EIF4E3: variants seen among roughly 807,000 people sequenced by gnomAD.
EIF4E3 encodes the protein eukaryotic translation initiation factor 4E type 3.
In EIF4E3, 26 loss-of-function variants were observed where a neutral mutation model predicts 31.7. The ratio of observed to expected loss-of-function variants is 0.82; its 90% CI spans 0.60 to 1.14. EIF4E3 has a LOEUF of 1.14. EIF4E3 is among the 50% of genes most tolerant of loss of function. The pLI is 0.00. For synonymous variants in EIF4E3, 128 were observed against 107.7 expected (o/e 1.19, Z -1.17); for missense variants, 304 against 270.9 (o/e 1.12, Z -0.86).
intron 4 of EIF4E3, among the ~76,000 whole-genome samples, chr3:71,695,577 G>A (rs2049124872): frequency 6.6e-6 from 1 of 152,098 alleles, no homozygotes; most frequent in Non-Finnish European, 1.5e-5. Flanking sequence ...CATTATGTAT[G>A]CCAAATAACA....
intron 1 of EIF4E3, among the ~76,000 whole-genome samples, chr3:71,746,371 G>A (rs1477591592): frequency 6.6e-6 from 1 of 152,132 alleles, no homozygotes; most frequent in African/African-American, 2.4e-5. Context: ...TAAAGCTATT[G>A]GTTAAATAAA....
At chr3:71,704,612 G>C (rs1001720465) in intron 2 of EIF4E3, among the ~76,000 whole-genome samples, 1 of 152,230 alleles carries the variant, frequency 6.6e-6, no homozygotes, top group African/African-American at 2.4e-5. Flanking sequence ...CTGGGGTCTG[G>C]ATGTGTGTGT....
Position 71,690,165 on chromosome 3 carries a change from T to C in EIF4E3, c.473A>G (p.Asp158Gly). The C allele has an allele frequency of 1.2e-6, 2 of 1,600,768 alleles. No homozygotes were observed. Among genetic ancestry groups the C allele is most frequent in the South Asian group, 2.3e-5 (2 of 88,142 alleles). The change falls in exon 6 of 7, where the codon GAT becomes GGT. Residue 158 changes from aspartate (D) to glycine (G), a missense_variant and splice_region_variant. Physicochemically the swap from Asp to Gly is moderately conservative, Grantham distance 94. Transcript: ENST00000425534. ...GACACTAACTCCTATTACTTCATCA[T>C]CTGAGGGGAAGACAGGAAAAAAAAA... The part of the protein sequence containing the change: ...GEQFTDCAAA[D>G]DEVIGVSVSV...
Position 71,675,666 on chromosome 3 carries a change from C to A in EIF4E3, c.*9016G>T, listed in dbSNP as rs905797361. On this transcript the variant is annotated 3_prime_UTR_variant, in exon 7 of 7. Coordinates refer to ENST00000425534, the MANE Select transcript of EIF4E3 (RefSeq NM_001134651.2). ...CTACTTGTGTGACCTTGAACGAATT[C>A]TTTATACTTTCTGGGTCATTTCTTC... 1 of 152,180 alleles carries A rather than the reference C, an allele frequency of 6.6e-6. No homozygotes were observed. Among genetic ancestry groups the A allele is most frequent in the African/African-American group, 2.4e-5 (1 of 41,442 alleles). 9.4% of individuals were successfully genotyped at this position (152,180 alleles called of 1,614,324 possible). A position where few individuals can be genotyped will look rare whatever the true frequency, so the allele number is the denominator to read the frequency against.
At chr3:71,723,862 A>T (rs1239824164) in intron 1 of EIF4E3, among the ~76,000 whole-genome samples, 1 of 151,966 alleles carries the variant, frequency 6.6e-6, no homozygotes, top group Non-Finnish European at 1.5e-5. Context: ...AACGAAACTC[A>T]CTCCATCTCC....
chr3:71,695,719 G>C (rs991364763), intron 4 of EIF4E3, among the ~76,000 whole-genome samples: 6 of 152,192 alleles, frequency 3.9e-5, no homozygotes, highest in African/African-American at 1.4e-4. Context: ...AGACATTTCA[G>C]TTCTTTGAGC....
chr3:71,688,632 C>T (rs2049022969), intron 6 of EIF4E3, among the ~76,000 whole-genome samples: 1 of 152,030 alleles, frequency 6.6e-6, no homozygotes, highest in South Asian at 2.1e-4. Flanking sequence ...TACATAAATG[C>T]CAATGAAATA....
chr3:71,708,084 G>A (rs2108071281), intron 2 of EIF4E3, among the ~76,000 whole-genome samples: 1 of 152,180 alleles, frequency 6.6e-6, no homozygotes, highest in Admixed American at 6.5e-5. Context: ...TTGTTGCTCA[G>A]GCTCATCTTG....
intron 2 of EIF4E3, among the ~76,000 whole-genome samples, chr3:71,702,289 T>C (rs923544259): frequency 1.3e-4 from 20 of 152,312 alleles, no homozygotes; most frequent in Admixed American, 5.9e-4. Flanking sequence ...GTAGAATTTA[T>C]GCACAAAATA....
intron 5 of EIF4E3, among the ~76,000 whole-genome samples, chr3:71,690,899 G>A (rs980688494): frequency 6.6e-6 from 1 of 152,154 alleles, no homozygotes; most frequent in Non-Finnish European, 1.5e-5. Flanking sequence ...TTCAATGAAT[G>A]AACGTTAAGG....
chr3:71,702,646 T>C (rs1354908429), intron 2 of EIF4E3, among the ~76,000 whole-genome samples: 2 of 151,394 alleles, frequency 1.3e-5, no homozygotes, highest in African/African-American at 4.9e-5. Context: ...AACATATTCA[T>C]TAAAGCACAT....
intron 2 of EIF4E3, among the ~76,000 whole-genome samples, chr3:71,700,422 C>G (rs1431711065): frequency 6.6e-6 from 1 of 151,898 alleles, no homozygotes; most frequent in African/African-American, 2.4e-5. Flanking sequence ...TAGACCCTGT[C>G]TTCAACATGG....
At chr3:71,664,578 A>G in the EIF4E3 span, among the ~76,000 whole-genome samples, 4 of 152,208 alleles carry the variant, frequency 2.6e-5, no homozygotes, top group African/African-American at 7.2e-5. Flanking sequence ...AGAGAGAGAG[A>G]GAGGCCCATT....
intron 2 of EIF4E3, among the ~76,000 whole-genome samples, chr3:71,709,540 C>T (rs763370574): frequency 6.6e-5 from 10 of 152,010 alleles, no homozygotes; most frequent in Admixed American, 2.0e-4. Context: ...CCACCATGCC[C>T]AGTTAATTTT....
chr3:71,663,562 T>C, the EIF4E3 span, among the ~76,000 whole-genome samples: 1 of 152,252 alleles, frequency 6.6e-6, no homozygotes, highest in East Asian at 1.9e-4. Context: ...GTGCCCAGCA[T>C]GCTCTCCCCA....
intron 1 of EIF4E3, among the ~76,000 whole-genome samples, chr3:71,743,835 G>A (rs904445505): frequency 7.2e-5 from 11 of 152,002 alleles, no homozygotes; most frequent in Admixed American, 7.2e-4. Context: ...TTTTGACAAA[G>A]GTGCAGTAAG....
intron 1 of EIF4E3, among the ~76,000 whole-genome samples, chr3:71,734,204 T>C (rs990954207): frequency 2.0e-5 from 3 of 152,256 alleles, no homozygotes; most frequent in Non-Finnish European, 4.4e-5. Flanking sequence ...GATGCACATA[T>C]TGATCATACT....
intron 4 of EIF4E3, among the ~76,000 whole-genome samples, chr3:71,695,611 T>C (rs1345943763): frequency 6.6e-6 from 1 of 152,232 alleles, no homozygotes; most frequent in Non-Finnish European, 1.5e-5. Context: ...GCTTCAAATC[T>C]TGACTAATAG....
chr3:71,706,465 G>A (rs922716357), intron 2 of EIF4E3, among the ~76,000 whole-genome samples: 12 of 152,098 alleles, frequency 7.9e-5, no homozygotes, highest in African/African-American at 2.9e-4. Context: ...ACATATGGGA[G>A]GAAAACACAG....
Sources: allele counts gnomAD v4.1 joint callset (sites outside exome capture counted in the v4.1 genomes callset), GRCh38; gene constraint gnomAD v4.1.1; transcripts MANE v1.5; gene names NCBI Gene and HGNC (gene_info 2026-07-23, HGNC 2026-07-21).